Variants in STARD13 observed in about 807,000 individuals in gnomAD.
The protein encoded by STARD13 is StAR related lipid transfer domain containing 13, also known as stAR-related lipid transfer protein 13.
In STARD13, 62 loss-of-function variants were observed where a neutral mutation model predicts 106.4. The ratio of observed to expected loss-of-function variants is 0.58; its 90% CI spans 0.48 to 0.72. The LOEUF is 0.72. Ranked by LOEUF, STARD13 falls within the 30% of genes least tolerant of loss-of-function variation. The pLI, the probability that STARD13 is intolerant of heterozygous loss-of-function variation, is 0.00. For missense variants in STARD13, 1,387 were observed against 1,424.0 expected (o/e 0.97, Z 0.42); for synonymous variants, 565 against 553.0 (o/e 1.02, Z -0.31).
At chr13:33,229,779 G>A (rs372921185) in intron 1 of STARD13, among the ~76,000 whole-genome samples, 8 of 152,190 alleles carry the variant, frequency 5.3e-5, no homozygotes, top group South Asian at 2.1e-4. Context: ...CTTTCCCTAC[G>A]CATCACCCTG....
the STARD13 span, among the ~76,000 whole-genome samples, chr13:33,499,082 G>A: frequency 2.0e-5 from 3 of 152,316 alleles, no homozygotes; most frequent in East Asian, 3.9e-4. Flanking sequence ...AAGCAGCAGT[G>A]AGCCAAGATC....
chr13:33,202,484 A>C lies in STARD13; in HGVS notation c.170-34862T>G, dbSNP rs1406360374. Among the ~76,000 whole-genome samples, 19 of 152,234 alleles carry C rather than the reference A, an allele frequency of 1.2e-4. 1 individual carries two copies. Among genetic ancestry groups the C allele is most frequent in the Admixed American group, 1.2e-3 (19 of 15,282 alleles). On this transcript the variant is annotated intron_variant, in intron 1 of 13. Coordinates refer to ENST00000336934, the MANE Select transcript of STARD13 (RefSeq NM_178006.4). ...AACATTACTTGAACACCAACCAGAC[A>C]TAAGAAACTACAGCGAGCACCAGGG...
the STARD13 span, among the ~76,000 whole-genome samples, chr13:33,567,290 A>G: frequency 6.7e-6 from 1 of 148,646 alleles, no homozygotes; most frequent in Non-Finnish European, 1.5e-5. Flanking sequence ...AGAGGACAGT[A>G]AAGAATCATG....
At chr13:33,260,050 C>T (rs984741490) in intron 1 of STARD13, among the ~76,000 whole-genome samples, 6 of 151,132 alleles carry the variant, frequency 4.0e-5, no homozygotes, top group African/African-American at 1.5e-4. Flanking sequence ...CTATAATTAC[C>T]TCATAACAAT....
chr13:33,231,126 T>C (rs1198469033), intron 1 of STARD13, among the ~76,000 whole-genome samples: 1 of 152,162 alleles, frequency 6.6e-6, no homozygotes, highest in Non-Finnish European at 1.5e-5. Context: ...GAGTGAGTGA[T>C]AAAGGACAGT....
the STARD13 span, among the ~76,000 whole-genome samples, chr13:33,676,331 C>T: frequency 1.3e-5 from 2 of 152,192 alleles, no homozygotes; most frequent in South Asian, 2.1e-4. Flanking sequence ...ACCCAGACCC[C>T]CTTTCAACTG....
intron 3 of STARD13, among the ~76,000 whole-genome samples, chr13:33,153,734 T>C (rs1217964603): frequency 6.6e-6 from 1 of 152,242 alleles, no homozygotes; most frequent in East Asian, 1.9e-4. Flanking sequence ...ATGACCAGTT[T>C]CCTGTGATAC....
At chr13:33,148,430 C>T (rs186378873) in intron 3 of STARD13, among the ~76,000 whole-genome samples, 137 of 152,294 alleles carry the variant, frequency 9.0e-4, no homozygotes, top group Non-Finnish European at 3.2e-4. Flanking sequence ...TCTGAACAGA[C>T]AACTCACTAA....
the STARD13 span, among the ~76,000 whole-genome samples, chr13:33,523,866 C>G: frequency 6.6e-6 from 1 of 152,106 alleles, no homozygotes; most frequent in Non-Finnish European, 1.5e-5. Context: ...GGGAGACAGA[C>G]TAACCCGACA....
At chr13:33,292,600 C>CAAA (rs139950581) in intron 1 of STARD13, among the ~76,000 whole-genome samples, 8 of 137,898 alleles carry the variant, frequency 5.8e-5, no homozygotes, top group Admixed American at 2.2e-4. Flanking sequence ...GACCCCATTT[C>CAAA]AAAAAAAAAA....
chr13:33,469,200 A>G, the STARD13 span, among the ~76,000 whole-genome samples: 198 of 152,304 alleles, frequency 1.3e-3, 4 homozygotes, highest in East Asian at 0.01. Context: ...TCTTTCACAC[A>G]AAACAAAACT....
chr13:33,411,415 C>T, the STARD13 span, among the ~76,000 whole-genome samples: 1 of 152,068 alleles, frequency 6.6e-6, no homozygotes, highest in Non-Finnish European at 1.5e-5. Flanking sequence ...TCTAGAGACA[C>T]CATAGCCTGC....
the STARD13 span, among the ~76,000 whole-genome samples, chr13:33,676,257 C>A: frequency 6.6e-6 from 1 of 152,154 alleles, no homozygotes; most frequent in Non-Finnish European, 1.5e-5. Flanking sequence ...TAAAGTCCTG[C>A]GGATCGGGAC....
the STARD13 span, among the ~76,000 whole-genome samples, chr13:33,519,260 CTTTCTTTCTTTCT>C: frequency 2.0e-5 from 3 of 146,466 alleles, no homozygotes; most frequent in African/African-American, 5.1e-5. Context: ...TTCTTTCTTT[CTTTCTTTCTTTCT>C]TTTCTTTCTC....
chr13:33,646,291 C>A, the STARD13 span, among the ~76,000 whole-genome samples: 2 of 152,164 alleles, frequency 1.3e-5, no homozygotes, highest in Non-Finnish European at 2.9e-5. Context: ...GATCTTAAAA[C>A]GCGACATGGT....
intron 1 of STARD13, among the ~76,000 whole-genome samples, chr13:33,321,859 G>A (rs1893571844): frequency 6.6e-6 from 1 of 152,088 alleles, no homozygotes; most frequent in Non-Finnish European, 1.5e-5. Flanking sequence ...TATTCTTTCA[G>A]CACTTACACA....
At chr13:33,282,485 A>G (rs1287078878) in intron 1 of STARD13, among the ~76,000 whole-genome samples, 1 of 152,128 alleles carries the variant, frequency 6.6e-6, no homozygotes. Flanking sequence ...ACGCCATTCA[A>G]TGATTATCTC....
intron 1 of STARD13, among the ~76,000 whole-genome samples, chr13:33,243,510 C>T (rs2555602): frequency 0.21 from 31,589 of 151,988 alleles, 3,705 homozygotes; most frequent in South Asian, 0.34. Flanking sequence ...GATTTTAATC[C>T]TATGGGTCAT....
At chr13:33,559,055 A>G in the STARD13 span, among the ~76,000 whole-genome samples, 2,514 of 151,694 alleles carry the variant, frequency 0.017, 190 homozygotes, top group African/African-American at 0.059. Flanking sequence ...ATTTTTAACT[A>G]ATCTGTCATT....
Sources: allele counts gnomAD v4.1 joint callset (sites outside exome capture counted in the v4.1 genomes callset), GRCh38; gene constraint gnomAD v4.1.1; transcripts MANE v1.5; gene names NCBI Gene and HGNC (gene_info 2026-07-23, HGNC 2026-07-21).